The following PAM variants were observed in gnomAD, a reference collection of about 807,000 sequenced individuals.
PAM encodes peptidylglycine alpha-amidating monooxygenase.
PAM carries 72 observed loss-of-function variants against 122.1 expected under a neutral mutation model. The observed-to-expected ratio is 0.59, with a 90% confidence interval of 0.49 to 0.72. PAM has a LOEUF of 0.72. Ranked by LOEUF, PAM falls within the 30% of genes least tolerant of loss-of-function variation. PAM has a pLI of 0.00. For missense variants in PAM, 1,106 were observed against 1,183.7 expected, an observed-to-expected ratio of 0.93 and a Z score of 0.96; for synonymous variants, 389 against 404.4, an observed-to-expected ratio of 0.96 and a Z score of 0.46.
intron 1 of PAM, among the ~76,000 whole-genome samples, chr5:102,760,721 C>T (rs462957): frequency 0.5 from 76,201 of 151,870 alleles, 19,648 homozygotes; most frequent in African/African-American, 0.62. Flanking sequence ...TTGTTGATTT[C>T]GACAGCATAA....
Position 102,924,986 on chromosome 5 carries a change from A to G in PAM, c.386A>G (p.Lys129Arg). Residue 129 changes from lysine (K) to arginine (R), a missense_variant, in exon 6 of 26, where the codon AAA becomes AGA. Lys to Arg is a conservative substitution (Grantham distance 26). Transcript: ENST00000438793. ...WFCDEGTCTD[K>R]ANILYAWARN... ...TGTGATGAAGGAACCTGTACAGATA[A>G]AGCCAATATTCTGTATGCCTGGGCG... 6.3e-7 allele frequency: 1 copy of G among 1,585,356 alleles called. No individual in the cohort carries two copies. The highest frequency in any genetic ancestry group is 8.7e-7 in the Non-Finnish European group (1 of 1,153,750).
intron 1 of PAM, among the ~76,000 whole-genome samples, chr5:102,847,340 G>A (rs1780199812): frequency 1.3e-5 from 2 of 152,188 alleles, no homozygotes; most frequent in South Asian, 4.1e-4. Context: ...TCGGGAGGCT[G>A]AGGCAGAAGA....
At chr5:102,913,702 G>A (rs1802202063) in intron 4 of PAM, among the ~76,000 whole-genome samples, 1 of 152,032 alleles carries the variant, frequency 6.6e-6, no homozygotes, top group Non-Finnish European at 1.5e-5. Flanking sequence ...AAATGTGTGT[G>A]TGTGTATGTG....
chr5:103,000,363 T>C (rs1305923848), intron 16 of PAM, among the ~76,000 whole-genome samples: 1 of 152,198 alleles, frequency 6.6e-6, no homozygotes, highest in East Asian at 1.9e-4. Context: ...ATTGTTCATA[T>C]CACTATCAGC....
intron 1 of PAM, among the ~76,000 whole-genome samples, chr5:102,783,541 A>G (rs1276790768): frequency 1.3e-5 from 2 of 152,202 alleles, no homozygotes; most frequent in Non-Finnish European, 2.9e-5. Flanking sequence ...GTTCATAGTA[A>G]AACTAAGCCT....
chr5:102,819,053 A>G (rs540042127), intron 1 of PAM, among the ~76,000 whole-genome samples: 1 of 152,186 alleles, frequency 6.6e-6, no homozygotes, highest in African/African-American at 2.4e-5. Flanking sequence ...CTGAGCTGGG[A>G]GGATACAAAA....
At chr5:102,945,613 G>A (rs1756779743) in intron 7 of PAM, among the ~76,000 whole-genome samples, 1 of 151,856 alleles carries the variant, frequency 6.6e-6, no homozygotes, top group Admixed American at 6.6e-5. Context: ...CCATTTCTGT[G>A]GTCTTTGGCT....
rs190689550 is a variant in PAM at position 102,982,842 on chromosome 5, C to G, written c.1484-7430C>G. ...AAGGAAACATACCTCTAATGGAACA[C>G]AATAATTCTTCAGCAACAGACTCAA... is the stretch of plus-strand genomic sequence containing the variant. On this transcript the variant is annotated intron_variant, in intron 15 of 25. Transcript: ENST00000438793. 1.7e-3 allele frequency among the ~76,000 whole-genome samples: 254 copies of G among 152,048 alleles called. 3 individuals carry two copies. Among genetic ancestry groups the G allele is most frequent in the Non-Finnish European group, 7.8e-4 (53 of 67,972 alleles).
Position 103,006,833 on chromosome 5 carries a change from C to A in PAM, c.1836C>A (p.Gly612=). The change falls in exon 19 of 26, where the codon GGC becomes GGA. Residue 612 remains glycine, a synonymous_variant. Coordinates refer to ENST00000438793, the MANE Select transcript of PAM (RefSeq NM_001177306.2). ...VFKLDPNNKE[G]PVLILGRSMQ... is the part of the protein sequence containing the mutation. ...AACTGGATCCAAACAATAAAGAAGGCCCTGTATTAATCCTGGGAAGGAGCA... is the reference window on the plus strand; with the variant it reads ...AACTGGATCCAAACAATAAAGAAGGACCTGTATTAATCCTGGGAAGGAGCA... 6.2e-7 allele frequency: 1 copy of A among 1,613,496 alleles called. No individual in the cohort carries two copies. The highest frequency in any genetic ancestry group is 8.5e-7 in the Non-Finnish European group (1 of 1,179,546).
intron 15 of PAM, 98 bp from the exon 16 acceptor site, chr5:102,990,174 A>T (rs12656131): frequency 1.3e-6 from 1 of 783,984 alleles, no homozygotes; most frequent in Non-Finnish European, 1.9e-6. Context: ...CTTTGCATCT[A>T]GTGATGTTAT....
At chr5:102,950,072 T>A in intron 11 of PAM, 94 bp downstream of exon 11, 1 of 726,516 alleles carries the variant, frequency 1.4e-6, no homozygotes, top group Non-Finnish European at 2.4e-6. Context: ...TGAATTTCTC[T>A]AAAAATCTCT....
intron 23 of PAM, among the ~76,000 whole-genome samples, chr5:103,024,528 A>G (rs1352650313): frequency 1.3e-5 from 2 of 152,330 alleles, no homozygotes; most frequent in African/African-American, 2.4e-5. Flanking sequence ...CCTAGCATTA[A>G]TGTGTGCAGC....
intron 7 of PAM, among the ~76,000 whole-genome samples, chr5:102,936,887 AG>A (rs1581896892): frequency 6.6e-6 from 1 of 152,136 alleles, no homozygotes; most frequent in Non-Finnish European, 1.5e-5. Flanking sequence ...CAAGGATTAA[AG>A]TCACTCCTGC....
chr5:102,938,181 CCTCTTCACA>C (rs1753902769), intron 7 of PAM, among the ~76,000 whole-genome samples: 1 of 152,130 alleles, frequency 6.6e-6, no homozygotes, highest in Non-Finnish European at 1.5e-5. Context: ...TTTCTTGCAG[CCTCTTCACA>C]TAATTGTGAG....
chr5:102,765,557 C>T (rs752257537), intron 1 of PAM, among the ~76,000 whole-genome samples: 4 of 152,232 alleles, frequency 2.6e-5, no homozygotes, highest in Non-Finnish European at 4.4e-5. Context: ...AAGCTTGGGC[C>T]GACTTCATCT....
intron 1 of PAM, among the ~76,000 whole-genome samples, chr5:102,828,365 T>A: frequency 6.6e-6 from 1 of 151,534 alleles, no homozygotes; most frequent in East Asian, 1.9e-4. Flanking sequence ...AAAAAAGTTA[T>A]ATTCATATCC....
intron 5 of PAM, among the ~76,000 whole-genome samples, chr5:102,921,010 G>A (rs900787241): frequency 2.0e-5 from 3 of 152,064 alleles, no homozygotes; most frequent in African/African-American, 7.2e-5. Context: ...TTTCCCCGTG[G>A]ATTAGACGTG....
At chr5:102,785,599 G>A (rs1488855384) in intron 1 of PAM, among the ~76,000 whole-genome samples, 1 of 149,646 alleles carries the variant, frequency 6.7e-6, no homozygotes, top group Non-Finnish European at 1.5e-5. Flanking sequence ...TATGGTGACT[G>A]ATTGGCTTGA....
intron 3 of PAM, among the ~76,000 whole-genome samples, chr5:102,882,328 A>T (rs1219937272): frequency 1.3e-5 from 2 of 151,498 alleles, no homozygotes; most frequent in Non-Finnish European, 2.9e-5. Context: ...ACTAGTTTAC[A>T]TTCCTACCAA....
Sources: allele counts gnomAD v4.1 joint callset (sites outside exome capture counted in the v4.1 genomes callset), GRCh38; gene constraint gnomAD v4.1.1; transcripts MANE v1.5; gene names NCBI Gene and HGNC (gene_info 2026-07-23, HGNC 2026-07-21).